Variants in SLCO3A1 observed in about 807,000 individuals in gnomAD.
SLCO3A1 encodes the protein PGE1 transporter.
Under a neutral mutation model 63.1 loss-of-function variants are expected in SLCO3A1, and 27 were observed. The ratio of observed to expected loss-of-function variants is 0.43; its 90% CI spans 0.32 to 0.59. The LOEUF (loss-of-function observed/expected upper bound fraction) is 0.59. SLCO3A1 is among the 20% of genes least tolerant of loss of function. The pLI, the probability that SLCO3A1 is intolerant of heterozygous loss-of-function variation, is 0.09. For synonymous variants in SLCO3A1, 473 were observed against 409.9 expected (o/e 1.15, Z -1.86); for missense variants, 773 against 945.8 (o/e 0.82, Z 2.40).
intron 10 of SLCO3A1, chr15:92,171,351 G>C (rs2048520283): frequency 6.4e-6 from 1 of 155,802 alleles, no homozygotes. Flanking sequence ...TGCTGGAGGA[G>C]GAAATATGAC....
intron 2 of SLCO3A1, among the ~76,000 whole-genome samples, chr15:91,981,953 G>A (rs959244586): frequency 6.6e-6 from 1 of 152,258 alleles, no homozygotes; most frequent in Non-Finnish European, 1.5e-5. Flanking sequence ...GATGCTGCAT[G>A]GCTGCATGCT....
At chr15:92,030,082 G>A (rs1038558563) in intron 2 of SLCO3A1, among the ~76,000 whole-genome samples, 3 of 152,176 alleles carry the variant, frequency 2.0e-5, no homozygotes, top group African/African-American at 7.2e-5. Flanking sequence ...TTGAACACGG[G>A]CTCTGCCCAC....
intron 4 of SLCO3A1, among the ~76,000 whole-genome samples, chr15:92,105,833 A>C (rs2047661365): frequency 6.6e-6 from 1 of 152,248 alleles, no homozygotes; most frequent in Non-Finnish European, 1.5e-5. Flanking sequence ...CCACAGCGGC[A>C]GATGCAGTCC....
chr15:92,085,141 C>T (rs1456525561), intron 2 of SLCO3A1, among the ~76,000 whole-genome samples: 3 of 152,170 alleles, frequency 2.0e-5, no homozygotes, highest in Non-Finnish European at 4.4e-5. Flanking sequence ...CCCAGGTTTC[C>T]AGGCAGTTAA....
chr15:92,032,663 G>A (rs2046667935), intron 2 of SLCO3A1, among the ~76,000 whole-genome samples: 1 of 152,160 alleles, frequency 6.6e-6, no homozygotes, highest in Admixed American at 6.5e-5. Context: ...TGATTGGGTA[G>A]GTTGGAGTGG....
chr15:92,029,232 A>G (rs2046615624), intron 2 of SLCO3A1, among the ~76,000 whole-genome samples: 1 of 152,116 alleles, frequency 6.6e-6, no homozygotes, highest in South Asian at 2.1e-4. Context: ...CCCTGGGGGA[A>G]AAAAAGGAAA....
At chr15:91,994,364 G>A (rs1376181088) in intron 2 of SLCO3A1, among the ~76,000 whole-genome samples, 2 of 151,652 alleles carry the variant, frequency 1.3e-5, no homozygotes, top group Non-Finnish European at 2.9e-5. Context: ...TAATTTTTAT[G>A]GATATATAGA....
intron 4 of SLCO3A1, among the ~76,000 whole-genome samples, chr15:92,113,223 G>A (rs568615798): frequency 1.2e-4 from 19 of 152,242 alleles, no homozygotes; most frequent in African/African-American, 3.9e-4. Context: ...AAATGACTGG[G>A]GCGACACCAA....
At position 91,968,164 on chromosome 15, in the gene SLCO3A1, C is replaced by G. The variant is rs919602699; in HGVS notation, c.646+51706C>G. Among the ~76,000 whole-genome samples the G allele has an allele frequency of 2.0e-5, 3 of 152,120 alleles. No homozygotes were observed. Among genetic ancestry groups the G allele is most frequent in the East Asian group, 3.9e-4 (2 of 5,184 alleles). ...TTTCTCAGACAGAGGACGTAATCAT[C>G]CATGCCCACAGAGGAGAGCGTGTGC... On this transcript the variant is annotated intron_variant, in intron 2 of 9. Coordinates refer to ENST00000318445, the MANE Select transcript of SLCO3A1 (RefSeq NM_013272.4). The surrounding 1 kb of genome is among the most constrained non-coding windows in gnomAD (Gnocchi z 4.2).
At chr15:92,122,763 C>T (rs551391077) in intron 5 of SLCO3A1, among the ~76,000 whole-genome samples, 2 of 152,230 alleles carry the variant, frequency 1.3e-5, no homozygotes, top group Admixed American at 6.5e-5. Context: ...CCCAAATGTC[C>T]GTCAATGTAA....
chr15:92,077,447 C>T (rs1249538983), intron 2 of SLCO3A1, among the ~76,000 whole-genome samples: 1 of 152,168 alleles, frequency 6.6e-6, no homozygotes, highest in Non-Finnish European at 1.5e-5. Flanking sequence ...GGGGAGCCAC[C>T]CTCAGAGGAG....
At chr15:92,096,418 C>A (rs2047539981) in intron 3 of SLCO3A1, among the ~76,000 whole-genome samples, 2 of 152,200 alleles carry the variant, frequency 1.3e-5, no homozygotes, top group Non-Finnish European at 2.9e-5. Flanking sequence ...GACCAGAATA[C>A]CAGGCAGCAG....
intron 2 of SLCO3A1, among the ~76,000 whole-genome samples, chr15:92,054,339 T>A (rs2046996537): frequency 6.6e-6 from 1 of 152,210 alleles, no homozygotes; most frequent in African/African-American, 2.4e-5. Flanking sequence ...CCCTGCACAC[T>A]TCTATGTTTG....
Position 91,854,205 on chromosome 15 carries a change from C to G in SLCO3A1, c.180+117C>G, listed in dbSNP as rs984969287. The stretch of plus-strand genomic sequence containing the variant: ...GGGGCAGGCGGGCATGACCTCGGCC[C>G]GGCGTGGAGGTTGGCGAGTGGTGCA... On this transcript the variant is annotated intron_variant, in intron 1 of 9. Transcript: ENST00000318445. The surrounding 1 kb of genome is among the most constrained non-coding windows in gnomAD (Gnocchi z 6.4). 6.1e-6 allele frequency: 7 copies of G among 1,150,672 alleles called. No individual in the cohort carries two copies. In the East Asian group the frequency reaches 1.0e-4, roughly 17 times the overall value. The allele number at this position is 1,150,672 out of a possible 1,614,324, so 71.3% of individuals were successfully genotyped here.
intron 2 of SLCO3A1, among the ~76,000 whole-genome samples, chr15:92,066,979 C>T (rs907392904): frequency 2.0e-5 from 3 of 152,202 alleles, no homozygotes; most frequent in Admixed American, 2.0e-4. Flanking sequence ...CATATGCAGT[C>T]CCAGGGTGTC....
rs139638054 is a variant in SLCO3A1 at position 92,050,138 on chromosome 15, G to A, written c.647-44743G>A. ...TGACTGTCACAAACAAATAAGCATG[G>A]CCTTTAGCTTCTGGTCTTGTGGACT... On this transcript the variant is annotated intron_variant, in intron 2 of 9. Transcript: ENST00000318445. Among the ~76,000 whole-genome samples, 614 of 152,292 alleles carry A rather than the reference G, an allele frequency of 4.0e-3. 3 individuals are homozygous for A. The highest frequency in any genetic ancestry group is 0.01 in the Middle Eastern group (3 of 292).
At chr15:92,132,619 G>GAAA (rs11384036) in intron 7 of SLCO3A1, among the ~76,000 whole-genome samples, 3 of 136,440 alleles carry the variant, frequency 2.2e-5, no homozygotes, top group African/African-American at 2.6e-5. Context: ...TAATTGAATA[G>GAAA]AAAAAAAAAA....
chr15:92,134,698 G>A (rs74532203), intron 7 of SLCO3A1, among the ~76,000 whole-genome samples: 3,237 of 152,254 alleles, frequency 0.021, 112 homozygotes, highest in African/African-American at 0.074. Flanking sequence ...CAGTTTTTGT[G>A]TATATTTCAA....
intron 5 of SLCO3A1, 29 bp from the exon 6 acceptor site, chr15:92,126,032 A>T (rs770692274): frequency 6.2e-7 from 1 of 1,605,746 alleles, no homozygotes; most frequent in South Asian, 1.1e-5. Flanking sequence ...TTCCCTGTTC[A>T]CAGCCCTGCC....
Sources: gnomAD v4.1 joint callset for allele counts (sites outside exome capture counted in the v4.1 genomes callset) on GRCh38, gnomAD v4.1.1 for gene constraint, Gnocchi (gnomAD v3.1) non-coding constraint, MANE v1.5 for transcripts, NCBI Gene and HGNC (gene_info 2026-07-23, HGNC 2026-07-21) for gene names.